SHISA9: variants seen among roughly 807,000 people sequenced by gnomAD.
The protein encoded by SHISA9 is shisa family member 9, also known as protein shisa-9.
Under a neutral mutation model 38.0 loss-of-function variants are expected in SHISA9, and 13 were observed. The observed-to-expected ratio is 0.34, with a 90% confidence interval of 0.22 to 0.54. SHISA9 has a LOEUF of 0.54. Ranked by LOEUF, SHISA9 falls within the 20% of genes least tolerant of loss-of-function variation. The probability of loss-of-function intolerance (pLI) is 0.91; values close to 1 mark genes in which losing one functional copy is unlikely to be tolerated. For missense variants in SHISA9, 538 were observed against 575.8 expected, an observed-to-expected ratio of 0.93 and a Z score of 0.67; for synonymous variants, 275 against 242.0, an observed-to-expected ratio of 1.14 and a Z score of -1.27.
intron 2 of SHISA9, among the ~76,000 whole-genome samples, chr16:12,924,232 G>A (rs1259468391): frequency 6.6e-6 from 1 of 152,138 alleles, no homozygotes; most frequent in Non-Finnish European, 1.5e-5. Flanking sequence ...GAAAGGCGAG[G>A]TAGACGGCTG....
the SHISA9 span, among the ~76,000 whole-genome samples, chr16:13,517,233 G>A: frequency 1.3e-5 from 2 of 152,224 alleles, no homozygotes; most frequent in Admixed American, 6.5e-5. Context: ...GGTAACCATC[G>A]GAAGCTAAGA....
chr16:13,374,490 T>C, the SHISA9 span, among the ~76,000 whole-genome samples: 1 of 152,218 alleles, frequency 6.6e-6, no homozygotes, highest in Non-Finnish European at 1.5e-5. Context: ...ACAAAGGACA[T>C]GAACTCATCC....
intron 2 of SHISA9, among the ~76,000 whole-genome samples, chr16:13,070,360 C>T (rs1374784835): frequency 6.6e-6 from 1 of 152,166 alleles, no homozygotes; most frequent in Non-Finnish European, 1.5e-5. Context: ...CACAGGAGTA[C>T]TGGTTGCCTA....
the SHISA9 span, among the ~76,000 whole-genome samples, chr16:13,259,061 A>C: frequency 2.6e-5 from 4 of 152,200 alleles, no homozygotes. Flanking sequence ...TCTGCCTATG[A>C]GCCTGTAAAA....
At chr16:13,483,827 C>A in the SHISA9 span, among the ~76,000 whole-genome samples, 1 of 152,086 alleles carries the variant, frequency 6.6e-6, no homozygotes, top group African/African-American at 2.4e-5. Context: ...AGCATGGAAG[C>A]TCTGTGTCCC....
chr16:13,482,160 G>A, the SHISA9 span, among the ~76,000 whole-genome samples: 1 of 152,230 alleles, frequency 6.6e-6, no homozygotes, highest in African/African-American at 2.4e-5. Flanking sequence ...ACCATTGGGA[G>A]GCATCAGCAG....
At chr16:13,491,528 A>G in the SHISA9 span, among the ~76,000 whole-genome samples, 1 of 151,984 alleles carries the variant, frequency 6.6e-6, no homozygotes, top group Non-Finnish European at 1.5e-5. Flanking sequence ...TCACTCTGTC[A>G]CCAAGGCTGG....
At chr16:13,353,706 T>C in the SHISA9 span, among the ~76,000 whole-genome samples, 15 of 152,148 alleles carry the variant, frequency 9.9e-5, no homozygotes, top group African/African-American at 3.4e-4. Context: ...AGGCCTGAAT[T>C]CTGAGAAGGG....
intron 2 of SHISA9, among the ~76,000 whole-genome samples, chr16:13,125,679 T>C (rs1453399881): frequency 1.3e-5 from 2 of 151,878 alleles, no homozygotes; most frequent in African/African-American, 4.9e-5. Context: ...GTGTTTCTCA[T>C]TCAAAACCTC....
rs190541948 is a variant in SHISA9, at chr16:13,118,939, C to T, written c.692-84455C>T. ...TAGAGACGGGGTTTCTCCTTGTTGG[C>T]CAGGCTGGTCTTGAACTCCTGACCT... is the stretch of plus-strand genomic sequence containing the variant. On this transcript the variant is annotated intron_variant, in intron 2 of 4. Transcript: ENST00000558583. Among the ~76,000 whole-genome samples the T allele has an allele frequency of 2.2e-3, 336 of 152,108 alleles. 3 individuals are homozygous for T. Among genetic ancestry groups the T allele is most frequent in the African/African-American group, 7.9e-3 (328 of 41,488 alleles).
At chr16:12,987,841 A>T (rs1342352120) in intron 2 of SHISA9, among the ~76,000 whole-genome samples, 1 of 152,236 alleles carries the variant, frequency 6.6e-6, no homozygotes. Flanking sequence ...TTTGTGTAAT[A>T]TAGATTCAGC....
At chr16:13,080,795 C>T (rs2073639790) in intron 2 of SHISA9, among the ~76,000 whole-genome samples, 1 of 152,204 alleles carries the variant, frequency 6.6e-6, no homozygotes, top group African/African-American at 2.4e-5. Flanking sequence ...TCACCACAGA[C>T]CATAGACGGA....
At chr16:13,200,784 G>A (rs1340906228) in intron 2 of SHISA9, among the ~76,000 whole-genome samples, 1 of 135,534 alleles carries the variant, frequency 7.4e-6, no homozygotes, top group Non-Finnish European at 1.6e-5. Flanking sequence ...TATGTTTGGC[G>A]ACATTCCCAT....
At chr16:13,103,730 C>T (rs2073900623) in intron 2 of SHISA9, among the ~76,000 whole-genome samples, 1 of 152,234 alleles carries the variant, frequency 6.6e-6, no homozygotes, top group African/African-American at 2.4e-5. Context: ...TTGCTTTCAG[C>T]TGACTGCATT....
the SHISA9 span, among the ~76,000 whole-genome samples, chr16:13,533,466 T>C: frequency 3.3e-5 from 5 of 152,182 alleles, no homozygotes; most frequent in East Asian, 9.6e-4. Context: ...TTTTCCAAGA[T>C]GACTACTTGG....
chr16:13,336,841 C>G, the SHISA9 span, among the ~76,000 whole-genome samples: 1 of 152,170 alleles, frequency 6.6e-6, no homozygotes, highest in African/African-American at 2.4e-5. Flanking sequence ...AAAGTAACAA[C>G]CTTTCTGTGG....
the SHISA9 span, among the ~76,000 whole-genome samples, chr16:13,561,122 C>G: frequency 6.6e-6 from 1 of 152,166 alleles, no homozygotes; most frequent in East Asian, 1.9e-4. Flanking sequence ...CTTCAGCCAG[C>G]CTCCATAGTG....
At chr16:12,995,845 C>T (rs893203376) in intron 2 of SHISA9, among the ~76,000 whole-genome samples, 3 of 152,142 alleles carry the variant, frequency 2.0e-5, no homozygotes, top group South Asian at 2.1e-4. Flanking sequence ...GATGCGTGTA[C>T]GAAAGTCTTG....
chr16:13,334,471 C>T, the SHISA9 span, among the ~76,000 whole-genome samples: 190 of 152,258 alleles, frequency 1.2e-3, 3 homozygotes, highest in African/African-American at 4.4e-3. Flanking sequence ...CTTGGATTTA[C>T]TGTGAAGAAT....
Sources: allele counts gnomAD v4.1 joint callset (sites outside exome capture counted in the v4.1 genomes callset), GRCh38; gene constraint gnomAD v4.1.1; transcripts MANE v1.5; gene names NCBI Gene and HGNC (gene_info 2026-07-23, HGNC 2026-07-21).